The following GPT2 variants were observed in gnomAD, a reference collection of about 807,000 sequenced individuals.
GPT2 encodes glutamic--pyruvic transaminase 2.
In GPT2, 30 loss-of-function variants were observed where a neutral mutation model predicts 56.9. The observed-to-expected ratio is 0.53, with a 90% CI of 0.39 to 0.72. The LOEUF is 0.72. Among genes scored for constraint, GPT2 ranks in the 30% least tolerant of loss-of-function variants. The pLI is 0.00. For synonymous variants in GPT2, 271 were observed against 283.1 expected (o/e 0.96, Z 0.43); for missense variants, 542 against 703.4 (o/e 0.77, Z 2.60).
intron 2 of GPT2, among the ~76,000 whole-genome samples, chr16:46,886,909 G>T (rs1567331512): frequency 1.3e-5 from 2 of 152,136 alleles, no homozygotes; most frequent in East Asian, 3.9e-4. Flanking sequence ...ACATTCTGTG[G>T]TAGTTTCATT....
intron 6 of GPT2, among the ~76,000 whole-genome samples, chr16:46,912,480 C>T (rs1328679861): frequency 6.6e-6 from 1 of 152,212 alleles, no homozygotes; most frequent in Admixed American, 6.5e-5. Context: ...ATCCCTGGGA[C>T]TCTGATTGGC....
rs1403468494 is a variant in GPT2, at chr16:46,909,664, A to C, written c.577-20A>C. The C allele has an allele frequency of 6.2e-7, 1 of 1,607,324 alleles. No homozygotes were observed. The highest frequency in any genetic ancestry group is 1.1e-5 in the South Asian group (1 of 90,786). On this transcript the variant is annotated intron_variant, in intron 5 of 11. Transcript: ENST00000340124. The stretch of plus-strand genomic sequence containing the variant: ...ATGGGAAGTAGTGCTGGCTTTCTAG[A>C]TGTGAATTCTCTGTTGCAGACGATC...
At chr16:46,902,661 G>C (rs936104294) in intron 4 of GPT2, among the ~76,000 whole-genome samples, 18 of 152,126 alleles carry the variant, frequency 1.2e-4, no homozygotes, top group Non-Finnish European at 1.5e-5. Flanking sequence ...GTGTCACTCT[G>C]TTGCCCAGGC....
At chr16:46,900,822 T>A in intron 4 of GPT2, 32 bp downstream of exon 4, 1 of 1,571,830 alleles carries the variant, frequency 6.4e-7, no homozygotes, top group Non-Finnish European at 8.7e-7. Flanking sequence ...CCCCTAGGCG[T>A]GAAATGAATG....
intron 6 of GPT2, among the ~76,000 whole-genome samples, chr16:46,914,771 C>G (rs1175318469): frequency 6.6e-6 from 1 of 152,178 alleles, no homozygotes; most frequent in Admixed American, 6.5e-5. Flanking sequence ...TTGTGGAGCT[C>G]ATGGGTGCCT....
chr16:46,892,272 T>C (rs1220722449), intron 2 of GPT2, among the ~76,000 whole-genome samples: 1 of 152,216 alleles, frequency 6.6e-6, no homozygotes, highest in Non-Finnish European at 1.5e-5. Flanking sequence ...TTTTCTTATT[T>C]TTTAAATGGC....
intron 5 of GPT2, among the ~76,000 whole-genome samples, chr16:46,907,894 CT>C (rs1960966363): frequency 6.6e-6 from 1 of 152,162 alleles, no homozygotes. Flanking sequence ...CCAGTGGTTA[CT>C]TGCAGTCTGG....
intron 2 of GPT2, chr16:46,885,249 G>A (rs1416622004): frequency 8.5e-7 from 1 of 1,181,944 alleles, no homozygotes; most frequent in African/African-American, 1.6e-5. Context: ...CTACTCTCGT[G>A]GAACCAAGGT....
chr16:46,927,323 A>C (rs962331415), intron 11 of GPT2, among the ~76,000 whole-genome samples: 1 of 152,064 alleles, frequency 6.6e-6, no homozygotes, highest in African/African-American at 2.4e-5. Flanking sequence ...AAATGTTCCT[A>C]GTAGGGTGTT....
At chr16:46,885,091 CG>C in intron 2 of GPT2, 133 bp downstream of exon 2, 6 of 1,350,522 alleles carry the variant, frequency 4.4e-6, no homozygotes, top group Non-Finnish European at 5.7e-6. Context: ...CTGGCTAAAA[CG>C]AGAGAATGCC....
Position 46,884,912 on chromosome 16 carries a change from G to T in GPT2, c.197G>T (p.Gly66Val). Residue 66 changes from glycine to valine, a missense_variant, in exon 2 of 12, where the codon GGA (glycine) becomes GTA (valine). Transcript: ENST00000340124. ...AAGGCGGTGGAGTACGCCGTGCGGG[G>T]ACCCATCGTGCTCAAGGCCGGCGAG... ...QVKAVEYAVR[G>V]PIVLKAGEIE... 1 of 1,540,358 alleles carries T rather than the reference G, an allele frequency of 6.5e-7. No individual in the cohort carries two copies. Among genetic ancestry groups the T allele is most frequent in the Non-Finnish European group, 8.8e-7 (1 of 1,142,584 alleles).
At chr16:46,918,398 A>G (rs1961214539) in intron 7 of GPT2, among the ~76,000 whole-genome samples, 1 of 152,152 alleles carries the variant, frequency 6.6e-6, no homozygotes, top group African/African-American at 2.4e-5. Context: ...AGAGAAATCA[A>G]GTGAGCTCCT....
At chr16:46,903,788 T>C (rs572949887) in intron 4 of GPT2, among the ~76,000 whole-genome samples, 4 of 152,136 alleles carry the variant, frequency 2.6e-5, no homozygotes, top group South Asian at 2.1e-4. Flanking sequence ...GTGAGCAAGG[T>C]GGGTGGAGCT....
intron 6 of GPT2, chr16:46,916,299 T>C (rs528942803): frequency 3.9e-4 from 71 of 182,800 alleles, no homozygotes; most frequent in Non-Finnish European, 7.4e-4. Flanking sequence ...TGAGCCGAGA[T>C]TGTGCCACTG....
At chr16:46,894,803 C>T (rs1960652917) in intron 2 of GPT2, among the ~76,000 whole-genome samples, 2 of 152,170 alleles carry the variant, frequency 1.3e-5, no homozygotes, top group Non-Finnish European at 2.9e-5. Context: ...GTAGCTGGGA[C>T]TACAGGCGCC....
intron 2 of GPT2, among the ~76,000 whole-genome samples, chr16:46,896,084 AC>A (rs1429295386): frequency 2.0e-5 from 3 of 152,056 alleles, no homozygotes; most frequent in Admixed American, 2.0e-4. Context: ...GACCCTGGTG[AC>A]CTTGTTCCTG....
chr16:46,914,731 C>T (rs1168136293), intron 6 of GPT2, among the ~76,000 whole-genome samples: 3 of 152,102 alleles, frequency 2.0e-5, no homozygotes, highest in Non-Finnish European at 4.4e-5. Context: ...CCAGGGCAGA[C>T]GATGAGCGGG....
chr16:46,884,842 C>T lies in GPT2; in HGVS notation c.127C>T (p.Arg43Trp), dbSNP rs1960451239. ...AVLKVRPERSRRERILTLESM... is the reference protein window; with the variant it reads ...AVLKVRPERSWRERILTLESM... The stretch of plus-strand genomic sequence containing the variant: ...GCTCAAGGTGCGGCCCGAGCGCAGC[C>T]GGCGCGAGCGCATCCTCACGCTGGA... Residue 43 changes from arginine to tryptophan, a missense_variant, in exon 2 of 12, where the codon CGG becomes TGG. Transcript: ENST00000340124. 2.6e-6 allele frequency: 4 copies of T among 1,542,112 alleles called. No individual in the cohort carries two copies. The highest frequency in any genetic ancestry group is 3.5e-6 in the Non-Finnish European group (4 of 1,144,238).
At chr16:46,911,299 G>A (rs960486074) in intron 6 of GPT2, among the ~76,000 whole-genome samples, 2 of 152,154 alleles carry the variant, frequency 1.3e-5, no homozygotes, top group African/African-American at 4.8e-5. Flanking sequence ...GGGAACAAGG[G>A]CTCCTCTCTC....
Sources: gnomAD v4.1 joint callset for allele counts (sites outside exome capture counted in the v4.1 genomes callset) on GRCh38, gnomAD v4.1.1 for gene constraint, MANE v1.5 for transcripts, NCBI Gene and HGNC (gene_info 2026-07-23, HGNC 2026-07-21) for gene names.